The following KMT2C variants were observed in gnomAD, a reference collection of about 807,000 sequenced individuals.
KMT2C encodes lysine methyltransferase 2C.
In KMT2C, 88 loss-of-function variants were observed where a neutral mutation model predicts 507.9. The observed-to-expected ratio is 0.17, with a 90% CI of 0.15 to 0.21. The LOEUF is 0.21. Ranked by LOEUF, KMT2C falls within the 10% of genes least tolerant of loss-of-function variation. The pLI, the probability that KMT2C is intolerant of heterozygous loss-of-function variation, is 1.00. For synonymous variants in KMT2C, 2,049 were observed against 2,080.8 expected (o/e 0.98, Z 0.42); for missense variants, 4,954 against 5,957.8 (o/e 0.83, Z 5.55).
intron 31 of KMT2C, among the ~76,000 whole-genome samples, chr7:152,188,711 C>G (rs751622359): frequency 6.9e-6 from 1 of 144,614 alleles, no homozygotes. Context: ...CTCCCAGGTT[C>G]AAGCAATTCT....
chr7:152,149,149 A>G lies in KMT2C; in HGVS notation c.12778T>C (p.Ser4260Pro). 2.7e-6 allele frequency: 4 copies of G among 1,459,052 alleles called. No homozygotes were observed. Among genetic ancestry groups the G allele is most frequent in the Non-Finnish European group, 3.6e-6 (4 of 1,107,402 alleles). 90.4% of individuals were successfully genotyped at this position (1,459,052 alleles called of 1,614,324 possible). ...AQAKNSENKE[S>P]IPSLPQSPMR... ...GGTGATTGTGGCAATGAAGGAATGGATTCCTGGGCAACATAAAGAAACCAT... is the reference window on the plus strand; with the variant it reads ...GGTGATTGTGGCAATGAAGGAATGGGTTCCTGGGCAACATAAAGAAACCAT... The change falls in exon 52 of 59, where the codon TCC (serine) becomes CCC (proline). Residue 4260 changes from serine (S) to proline (P), a missense_variant. Transcript: ENST00000262189.
rs1390241390 is a variant in KMT2C at position 152,151,043 on chromosome 7, A to G, written c.12667-36T>C. 3.1e-6 allele frequency: 4 copies of G among 1,282,534 alleles called. No individual in the cohort carries two copies. In the African/African-American group the frequency reaches 4.5e-5, roughly 14 times the overall value. 79.4% of individuals were successfully genotyped at this position (1,282,534 alleles called of 1,614,324 possible). A position where few individuals can be genotyped will look rare whatever the true frequency, so the allele number is the denominator to read the frequency against. ...AAGAGAAATGTGTGGGAATCTCAAC[A>G]AGTCAAAATTTAATAAAAACAGGAT... On this transcript the variant is annotated intron_variant, in intron 50 of 58. Transcript: ENST00000262189.
chr7:152,423,181 A>C (rs919247366), intron 1 of KMT2C, among the ~76,000 whole-genome samples: 1 of 152,200 alleles, frequency 6.6e-6, no homozygotes, highest in African/African-American at 2.4e-5. Context: ...CTCTACTAAA[A>C]ATACAAAAAT....
intron 3 of KMT2C, among the ~76,000 whole-genome samples, chr7:152,316,357 G>A (rs2096723002): frequency 6.6e-6 from 1 of 152,160 alleles, no homozygotes; most frequent in Non-Finnish European, 1.5e-5. Context: ...GTAGAGGTGG[G>A]AGAATGAGCT....
At chr7:152,238,131 G>C (rs1441389734) in intron 15 of KMT2C, among the ~76,000 whole-genome samples, 4 of 152,298 alleles carry the variant, frequency 2.6e-5, no homozygotes, top group Non-Finnish European at 5.9e-5. Flanking sequence ...ATTAAATATA[G>C]AATATGAAGA....
chr7:152,251,264 T>C (rs1308222962), intron 11 of KMT2C, among the ~76,000 whole-genome samples: 4 of 152,194 alleles, frequency 2.6e-5, no homozygotes, highest in African/African-American at 4.8e-5. Context: ...CAGGCCAACA[T>C]AGTGAGAACC....
At chr7:152,401,401 G>A (rs1364818083) in intron 1 of KMT2C, among the ~76,000 whole-genome samples, 1 of 148,274 alleles carries the variant, frequency 6.7e-6, no homozygotes, top group Non-Finnish European at 1.5e-5. Context: ...AAGTATTAAA[G>A]TCATACCGGC....
At chr7:152,332,190 G>A (rs2096890828) in intron 2 of KMT2C, among the ~76,000 whole-genome samples, 2 of 152,022 alleles carry the variant, frequency 1.3e-5, no homozygotes. Flanking sequence ...TCAGGAGGCA[G>A]CCTAACAGCT....
Position 152,187,750 on chromosome 7 carries a change from G to T in KMT2C, c.4758C>A (p.Phe1586Leu), listed in dbSNP as rs781008611. ...GATAAGAGGATTGTGCAATTGCAGA[G>T]AAAGTTCCCAGTCCGCTTCCAGGTG... is the stretch of plus-strand genomic sequence containing the variant. ...SLPPGSGLGT[F>L]SAIAQSSYPD... Residue 1586 changes from phenylalanine (F) to leucine (L), a missense_variant, in exon 32 of 59, where the codon TTC becomes TTA. Phe to Leu is a conservative substitution (Grantham distance 22, BLOSUM62 0). Around this residue, in one of 29 missense-constraint regions of KMT2C, gnomAD observed 195 missense variants for 183.7 expected, o/e 1.06. Transcript: ENST00000262189. 7 of 1,614,082 alleles carry T rather than the reference G, an allele frequency of 4.3e-6. No homozygotes were observed. The highest frequency in any genetic ancestry group is 1.3e-5 in the African/African-American group (1 of 75,048).
At chr7:152,376,462 C>A (rs142344755) in intron 1 of KMT2C, among the ~76,000 whole-genome samples, 95 of 152,270 alleles carry the variant, frequency 6.2e-4, no homozygotes, top group Non-Finnish European at 1.1e-3. Flanking sequence ...ATGAAAAATT[C>A]TTGAATAAAA....
At position 152,181,140 on chromosome 7, in the gene KMT2C, T is replaced by C. The variant is rs764681297; in HGVS notation, c.6720A>G (p.Arg2240=). 1 of 1,614,164 alleles carries C rather than the reference T, an allele frequency of 6.2e-7. No individual in the cohort carries two copies. The highest frequency in any genetic ancestry group is 1.1e-5 in the South Asian group (1 of 91,080). The change falls in exon 36 of 59, where the codon AGA becomes AGG. Residue 2240 remains arginine, a synonymous_variant. Transcript: ENST00000262189. ...SEGFTRSSMT[R]PVLMPNQDPF... ...GATCCTGATTTGGCATGAGGACTGG[T>C]CTTGTCATTGAGGACCTAGTAAAAC...
In KMT2C at chr7:152,145,230, A is replaced by C; in HGVS notation, c.14097T>G (p.Leu4699=). The stretch of plus-strand genomic sequence containing the variant: ...AACCTGTGGGGTTAACGGCAAGAGG[A>C]AGTTCCATGAGAGGATTTCGGCCGT... ...FRYGRNPLME[L]PLAVNPTGCA... The change falls in exon 54 of 59, where the codon CTT becomes CTG. Residue 4699 remains leucine, a synonymous_variant. Coordinates refer to ENST00000262189, the MANE Select transcript of KMT2C (RefSeq NM_170606.3). 2 of 1,614,178 alleles carry C rather than the reference A, an allele frequency of 1.2e-6. No homozygotes were observed. Among genetic ancestry groups the C allele is most frequent in the Non-Finnish European group, 1.7e-6 (2 of 1,180,030 alleles).
chr7:152,254,642 A>G (rs1238111069), intron 9 of KMT2C, among the ~76,000 whole-genome samples: 1 of 152,206 alleles, frequency 6.6e-6, no homozygotes, highest in Non-Finnish European at 1.5e-5. Flanking sequence ...GGAGAGCCCG[A>G]GAGGCATTCC....
chr7:152,249,410 A>G (rs2095526585), intron 13 of KMT2C, among the ~76,000 whole-genome samples: 1 of 148,532 alleles, frequency 6.7e-6, no homozygotes, highest in South Asian at 2.2e-4. Context: ...TGCAGCCTCA[A>G]CCTCCTGGGC....
chr7:152,401,087 C>T (rs1292948530), intron 1 of KMT2C, among the ~76,000 whole-genome samples: 3 of 151,026 alleles, frequency 2.0e-5, no homozygotes, highest in Non-Finnish European at 4.4e-5. Context: ...AATGTAGAAA[C>T]TATTCATTAA....
chr7:152,263,433 A>G (rs2095813072), intron 8 of KMT2C, among the ~76,000 whole-genome samples: 1 of 152,212 alleles, frequency 6.6e-6, no homozygotes, highest in African/African-American at 2.4e-5. Context: ...AATTTTTGAG[A>G]GGAAGGTGCT....
intron 3 of KMT2C, among the ~76,000 whole-genome samples, chr7:152,326,137 A>G (rs571957634): frequency 6.6e-6 from 1 of 152,216 alleles, no homozygotes; most frequent in Non-Finnish European, 1.5e-5. Flanking sequence ...CTTAGTATCA[A>G]GTAAAGCAAT....
intron 18 of KMT2C, among the ~76,000 whole-genome samples, chr7:152,226,233 T>G (rs2094929100): frequency 7.1e-6 from 1 of 140,394 alleles, no homozygotes; most frequent in East Asian, 2.0e-4. Context: ...TTTTTTTTTT[T>G]TTTTTTTTTT....
At chr7:152,221,337 T>A (rs564518980) in intron 22 of KMT2C, among the ~76,000 whole-genome samples, 2 of 152,332 alleles carry the variant, frequency 1.3e-5, no homozygotes, top group South Asian at 4.1e-4. Flanking sequence ...AATGCTCAGC[T>A]AATCCACTAT....
Sources: allele counts gnomAD v4.1 joint callset (sites outside exome capture counted in the v4.1 genomes callset), GRCh38; gene constraint gnomAD v4.1.1; regional missense constraint gnomAD v4.1.1; transcripts MANE v1.5; gene names NCBI Gene and HGNC (gene_info 2026-07-23, HGNC 2026-07-21).